GNB5: variants seen among roughly 807,000 people sequenced by gnomAD.
GNB5 encodes the protein guanine nucleotide-binding protein subunit beta-5.
In GNB5, 37 loss-of-function variants were observed where a neutral mutation model predicts 55.3. The observed-to-expected ratio is 0.67, with a 90% CI of 0.51 to 0.88. The LOEUF (loss-of-function observed/expected upper bound fraction) is 0.88, where lower values mean the gene tolerates loss of function less well. Among genes scored for constraint, GNB5 ranks in the 40% least tolerant of loss-of-function variants. The pLI is 0.00. For missense variants in GNB5, 476 were observed against 515.3 expected (o/e 0.92, Z 0.74); for synonymous variants, 219 against 198.5 (o/e 1.10, Z -0.87).
chr15:52,179,654 G>T, intron 3 of GNB5, 114 bp downstream of exon 3: 2 of 519,188 alleles, frequency 3.9e-6, no homozygotes, highest in Non-Finnish European at 5.6e-6. Context: ...CCGGGCGGTG[G>T]CGCGGGCCTG....
chr15:52,156,837 G>A (rs770787944), intron 3 of GNB5, among the ~76,000 whole-genome samples: 12 of 152,028 alleles, frequency 7.9e-5, no homozygotes, highest in African/African-American at 2.9e-4. Context: ...CTAAAACATT[G>A]CATTATTTAC....
chr15:52,130,403 C>T (rs565546466), intron 9 of GNB5, among the ~76,000 whole-genome samples: 8 of 152,320 alleles, frequency 5.3e-5, no homozygotes, highest in Admixed American at 2.0e-4. Flanking sequence ...GAAGTCTCAG[C>T]GTCAGTTTAC....
intron 6 of GNB5, 36 bp from the exon 7 acceptor site, chr15:52,141,308 C>T: frequency 6.3e-7 from 1 of 1,592,042 alleles, no homozygotes; most frequent in East Asian, 2.2e-5. Flanking sequence ...AAGATTAATG[C>T]AGAGTCACAG....
chr15:52,181,086 A>G (rs1051717233), intron 2 of GNB5: 7 of 152,326 alleles, frequency 4.6e-5, no homozygotes, highest in African/African-American at 1.7e-4. Context: ...AGATGCTGCG[A>G]GAACATCGCC....
Position 52,130,278 on chromosome 15 carries a change from C to T in GNB5, c.864-2034G>A, listed in dbSNP as rs78324835. On this transcript the variant is annotated intron_variant, in intron 9 of 12. Transcript: ENST00000261837. ...GGGCATGCTAAGAGAATAATGACAA[C>T]GCTCAGTATAACCTCAGCCTTGGGT... Among the ~76,000 whole-genome samples the T allele has an allele frequency of 4.8e-3, 724 of 152,268 alleles. 17 individuals are homozygous for T. Among genetic ancestry groups the T allele is most frequent in the East Asian group, 0.025 (128 of 5,182 alleles).
chr15:52,139,309 G>A (rs932012351), intron 7 of GNB5, among the ~76,000 whole-genome samples: 11 of 152,088 alleles, frequency 7.2e-5, no homozygotes. Context: ...AGGCATGGTG[G>A]CGTGTGCTTG....
At chr15:52,134,911 T>C (rs1477507845) in intron 8 of GNB5, among the ~76,000 whole-genome samples, 2 of 151,952 alleles carry the variant, frequency 1.3e-5, no homozygotes, top group Non-Finnish European at 2.9e-5. Context: ...AACTCTTCCA[T>C]CTACTGCTTG....
Position 52,119,572 on chromosome 15 carries a change from G to T in GNB5, c.*3185C>A. On this transcript the variant is annotated 3_prime_UTR_variant, in exon 13 of 13. Transcript: ENST00000261837. Reference sequence around the variant, plus strand: ...GAAGGGAGGGGGGCAAATAGGAAGGGGACTGAGGAGGACACAGGGAGAAGC... The same window carrying T: ...GAAGGGAGGGGGGCAAATAGGAAGGTGACTGAGGAGGACACAGGGAGAAGC... 6.7e-6 allele frequency: 1 copy of T among 150,166 alleles called. No individual in the cohort carries two copies. The allele number at this position is 150,166 out of a possible 1,614,324, so 9.3% of individuals were successfully genotyped here.
intron 7 of GNB5, chr15:52,139,086 T>C (rs2033793064): frequency 6.6e-6 from 1 of 152,220 alleles, no homozygotes; most frequent in African/African-American, 2.4e-5. Flanking sequence ...TGGAGGTTCA[T>C]GAGTTCAGTA....
rs550456247 is a variant in GNB5 at position 52,134,897 on chromosome 15, T to G, written c.771+716A>C. Among the ~76,000 whole-genome samples, 3 of 152,130 alleles carry G rather than the reference T, an allele frequency of 2.0e-5. No individual in the cohort carries two copies. In the East Asian group the frequency reaches 5.8e-4, roughly 30 times the overall value. ...TTGCCCCTCCCATTTGCATACACAC[T>G]GCAAACTCTTCCATCTACTGCTTGT... On this transcript the variant is annotated intron_variant, in intron 8 of 12. Transcript: ENST00000261837.
In GNB5 at chr15:52,141,124, G is replaced by C. The variant is rs1439150465; in HGVS notation, c.627+16C>G. The C allele has an allele frequency of 8.1e-6, 13 of 1,613,452 alleles. No homozygotes were observed. The highest frequency in any genetic ancestry group is 4.0e-5 in the African/African-American group (3 of 74,886). Reference sequence around the variant, plus strand: ...TCCTTGGCAGGTCAACCTGACACCGGGGGCTGCCTATTTACCTGCATGTCA... The same window carrying C: ...TCCTTGGCAGGTCAACCTGACACCGCGGGCTGCCTATTTACCTGCATGTCA... On this transcript the variant is annotated intron_variant, in intron 7 of 12. Transcript: ENST00000261837.
At chr15:52,152,177 G>A (rs1046933601) in intron 4 of GNB5, among the ~76,000 whole-genome samples, 1 of 150,620 alleles carries the variant, frequency 6.6e-6, no homozygotes, top group Non-Finnish European at 1.5e-5. Context: ...TGACACAGAC[G>A]TTACAGTTTG....
chr15:52,140,361 G>A, intron 7 of GNB5: 1 of 153,964 alleles, frequency 6.5e-6, no homozygotes, highest in South Asian at 2.0e-4. Flanking sequence ...CCTCTCGGCT[G>A]CCTGCCTCCC....
rs1483617452 is a variant in GNB5 at position 52,120,881 on chromosome 15, C to G, written c.*1876G>C. On this transcript the variant is annotated 3_prime_UTR_variant, in exon 13 of 13. Transcript: ENST00000261837. ...GCAGAGGCCCTTCATTTTTCTCTCT[C>G]TACCCCAGACCCCAGTGTACAATAA... is the stretch of plus-strand genomic sequence containing the variant. 6.6e-6 allele frequency: 1 copy of G among 152,302 alleles called. No individual in the cohort carries two copies. The highest frequency in any genetic ancestry group is 6.5e-5 in the Admixed American group (1 of 15,286). 9.4% of individuals were successfully genotyped at this position (152,302 alleles called of 1,614,324 possible). A position where few individuals can be genotyped will look rare whatever the true frequency, so the allele number is the denominator to read the frequency against.
At chr15:52,146,124 T>C (rs1383874061) in intron 6 of GNB5, among the ~76,000 whole-genome samples, 1 of 151,158 alleles carries the variant, frequency 6.6e-6, no homozygotes, top group Admixed American at 6.6e-5. Flanking sequence ...GCCCGGCTAA[T>C]TTTTTTTTAT....
At chr15:52,175,472 C>T (rs569750397) in intron 3 of GNB5, among the ~76,000 whole-genome samples, 1 of 152,340 alleles carries the variant, frequency 6.6e-6, no homozygotes, top group South Asian at 2.1e-4. Context: ...GGCACATTAG[C>T]TCACGCCTGT....
chr15:52,190,104 C>T (rs977192914), intron 1 of GNB5, among the ~76,000 whole-genome samples: 9 of 144,504 alleles, frequency 6.2e-5, no homozygotes, highest in African/African-American at 2.3e-4. Flanking sequence ...ACGTGGACAT[C>T]ATATCTCAAT....
chr15:52,190,742 GCATA>G (rs1480060670), intron 1 of GNB5, among the ~76,000 whole-genome samples: 2 of 135,342 alleles, frequency 1.5e-5, no homozygotes, highest in African/African-American at 5.8e-5. Flanking sequence ...TTCTACTCGT[GCATA>G]CATACACCAC....
chr15:52,130,992 A>AT (rs1462313490), intron 9 of GNB5, among the ~76,000 whole-genome samples: 2 of 152,126 alleles, frequency 1.3e-5, no homozygotes, highest in African/African-American at 4.8e-5. Context: ...CATTTGGCTA[A>AT]TTTTTGTATT....
Sources: allele counts gnomAD v4.1 joint callset (sites outside exome capture counted in the v4.1 genomes callset), GRCh38; gene constraint gnomAD v4.1.1; transcripts MANE v1.5; gene names NCBI Gene and HGNC (gene_info 2026-07-23, HGNC 2026-07-21).